Variants in TRUB1 observed in about 807,000 individuals in gnomAD.
The protein encoded by TRUB1 is TruB pseudouridine synthase family member 1, also known as pseudouridylate synthase TRUB1.
In TRUB1, 23 loss-of-function variants were observed where a neutral mutation model predicts 33.9. The observed-to-expected ratio is 0.68, with a 90% CI of 0.49 to 0.96. The LOEUF (loss-of-function observed/expected upper bound fraction) is 0.96. Ranked by LOEUF, TRUB1 falls within the 40% of genes least tolerant of loss-of-function variation. The pLI, the probability that TRUB1 is intolerant of heterozygous loss-of-function variation, is 0.00. For missense variants in TRUB1, 378 were observed against 422.2 expected (o/e 0.90, Z 0.92); for synonymous variants, 163 against 165.4 (o/e 0.99, Z 0.11).
chr10:114,964,239 T>C (rs6585307), intron 4 of TRUB1, among the ~76,000 whole-genome samples: 22,537 of 152,080 alleles, frequency 0.15, 3,867 homozygotes, highest in African/African-American at 0.42. Context: ...TGATGAGATT[T>C]GGCACCTTAT....
chr10:114,941,258 A>G (rs980928442), intron 1 of TRUB1, among the ~76,000 whole-genome samples: 1 of 152,148 alleles, frequency 6.6e-6, no homozygotes, highest in Non-Finnish European at 1.5e-5. Context: ...CCATCATCAA[A>G]AACAATTTAT....
chr10:114,945,663 C>A (rs910211733), intron 2 of TRUB1, among the ~76,000 whole-genome samples: 1 of 152,168 alleles, frequency 6.6e-6, no homozygotes, highest in African/African-American at 2.4e-5. Context: ...CTTAAAACAT[C>A]ATGAGTTTTT....
rs1418016604 is a variant in TRUB1 at position 114,976,799 on chromosome 10, G to T, written c.*1420G>T. On this transcript the variant is annotated 3_prime_UTR_variant, in exon 8 of 8. Coordinates refer to ENST00000298746, the MANE Select transcript of TRUB1 (RefSeq NM_139169.5). The stretch of plus-strand genomic sequence containing the variant: ...AAAACACTAAAACAATTCTTAGTAT[G>T]AGACAAAACTGTAAGGAAAAAGAGT... 1 of 151,116 alleles carries T rather than the reference G, an allele frequency of 6.6e-6. No homozygotes were observed. The highest frequency in any genetic ancestry group is 6.6e-5 in the Admixed American group (1 of 15,210). 9.4% of individuals were successfully genotyped at this position (151,116 alleles called of 1,614,324 possible). A position where few individuals can be genotyped will look rare whatever the true frequency, so the allele number is the denominator to read the frequency against.
chr10:114,954,216 A>G (rs1465632512), intron 3 of TRUB1, among the ~76,000 whole-genome samples: 3 of 152,204 alleles, frequency 2.0e-5, no homozygotes, highest in South Asian at 2.1e-4. Flanking sequence ...GAGTTACGTC[A>G]AGAGTAGAAA....
chr10:114,955,511 C>T (rs1259439898), intron 3 of TRUB1, among the ~76,000 whole-genome samples: 2 of 152,176 alleles, frequency 1.3e-5, no homozygotes, highest in Non-Finnish European at 2.9e-5. Context: ...ACCATAGTGG[C>T]ACCTGCAGGC....
At chr10:114,969,096 A>G (rs940290420) in intron 4 of TRUB1, among the ~76,000 whole-genome samples, 16 of 151,868 alleles carry the variant, frequency 1.1e-4, no homozygotes, top group African/African-American at 3.4e-4. Flanking sequence ...TTTAGTTTTT[A>G]AAATTATAGA....
intron 4 of TRUB1, among the ~76,000 whole-genome samples, chr10:114,969,149 C>T (rs1299191267): frequency 3.4e-5 from 5 of 146,698 alleles, no homozygotes; most frequent in Non-Finnish European, 6.0e-5. Context: ...ATATGGAACA[C>T]GGTCAGGTAC....
In TRUB1 at chr10:114,975,527, A is replaced by G; in HGVS notation, c.*148A>G. ...GTCTATCATTTACAGTTTCAATAGC[A>G]CATAATTTATTTTCTATGCATTATA... On this transcript the variant is annotated 3_prime_UTR_variant, in exon 8 of 8. Transcript: ENST00000298746. 4.0e-6 allele frequency: 3 copies of G among 747,374 alleles called. No individual in the cohort carries two copies. Among genetic ancestry groups the G allele is most frequent in the Non-Finnish European group, 6.1e-6 (3 of 493,586 alleles). The allele number at this position is 747,374 out of a possible 1,614,324, so 46.3% of individuals were successfully genotyped here.
Position 114,974,260 on chromosome 10 carries a change from A to G in TRUB1, c.737-69A>G. 3 of 1,134,650 alleles carry G rather than the reference A, an allele frequency of 2.6e-6. No individual in the cohort carries two copies. In the East Asian group the frequency reaches 7.1e-5, roughly 27 times the overall value. 70.3% of individuals were successfully genotyped at this position (1,134,650 alleles called of 1,614,324 possible). ...AGTGCATTTTTACATTTGTTTAGGG[A>G]CATCATTTCTATGTAAAGTGGATTT... On this transcript the variant is annotated intron_variant, in intron 6 of 7. Transcript: ENST00000298746.
chr10:114,938,568 G>C (rs2084170804), intron 1 of TRUB1, 29 bp downstream of exon 1: 1 of 1,505,482 alleles, frequency 6.6e-7, no homozygotes, highest in African/African-American at 1.4e-5. Flanking sequence ...GGACCAGGCT[G>C]AGGCGGTCGC....
intron 3 of TRUB1, among the ~76,000 whole-genome samples, chr10:114,957,116 T>C (rs994936442): frequency 6.6e-6 from 1 of 152,204 alleles, no homozygotes; most frequent in African/African-American, 2.4e-5. Context: ...TCAGCAACTT[T>C]TTATTAAGCT....
At chr10:114,955,295 A>G (rs1471103084) in intron 3 of TRUB1, among the ~76,000 whole-genome samples, 2 of 152,226 alleles carry the variant, frequency 1.3e-5, no homozygotes, top group African/African-American at 4.8e-5. Context: ...TGGATAGCAG[A>G]TGTCGTACTT....
At chr10:114,962,523 C>G (rs1424570704) in intron 4 of TRUB1, among the ~76,000 whole-genome samples, 1 of 152,190 alleles carries the variant, frequency 6.6e-6, no homozygotes, top group Non-Finnish European at 1.5e-5. Flanking sequence ...TTGCCATTGA[C>G]TGCATACTGA....
intron 6 of TRUB1, among the ~76,000 whole-genome samples, chr10:114,973,834 C>T (rs1001840118): frequency 2.6e-5 from 4 of 152,050 alleles, no homozygotes; most frequent in Admixed American, 6.6e-5. Context: ...ATTCTTGTCA[C>T]TGTGAAAAGG....
At chr10:114,971,984 A>T (rs1022936633) in intron 5 of TRUB1, 151 bp from the exon 6 acceptor site, 1 of 862,496 alleles carries the variant, frequency 1.2e-6, no homozygotes, top group Non-Finnish European at 1.8e-6. Context: ...TTAAAAATTC[A>T]TTCATTTTTT....
Position 114,970,357 on chromosome 10 carries a change from A to T in TRUB1, c.524-11A>T, listed in dbSNP as rs1470158892. ...GGTTGTTTTAGTGTCTTTTTTGTTGATTTTTGGCAGATAAAATAACACAAG... is the reference window on the plus strand; with the variant it reads ...GGTTGTTTTAGTGTCTTTTTTGTTGTTTTTTGGCAGATAAAATAACACAAG... On this transcript the variant is annotated splice_polypyrimidine_tract_variant and intron_variant, in intron 4 of 7. Coordinates refer to ENST00000298746, the MANE Select transcript of TRUB1 (RefSeq NM_139169.5). 3 of 1,595,244 alleles carry T rather than the reference A, an allele frequency of 1.9e-6. No individual in the cohort carries two copies. Among genetic ancestry groups the T allele is most frequent in the African/African-American group, 1.3e-5 (1 of 74,322 alleles).
intron 1 of TRUB1, 74 bp downstream of exon 1, chr10:114,938,613 G>A: frequency 7.1e-7 from 1 of 1,417,050 alleles, no homozygotes; most frequent in Non-Finnish European, 9.4e-7. Context: ...TTTTTGCGAC[G>A]CTCGTGATTC....
chr10:114,977,299 CT>C lies in TRUB1; in HGVS notation c.*1925del, dbSNP rs1378453645. 7.2e-5 allele frequency: 11 copies of C among 151,836 alleles called. No homozygotes were observed. The highest frequency in any genetic ancestry group is 7.4e-5 in the Non-Finnish European group (5 of 67,880). 9.4% of individuals were successfully genotyped at this position (151,836 alleles called of 1,614,324 possible). A position where few individuals can be genotyped will look rare whatever the true frequency, so the allele number is the denominator to read the frequency against. On this transcript the variant is annotated 3_prime_UTR_variant, in exon 8 of 8. Coordinates refer to ENST00000298746, the MANE Select transcript of TRUB1 (RefSeq NM_139169.5). The stretch of plus-strand genomic sequence containing the variant: ...TAAGGCACCTATACTTTTAAATTGA[CT>C]TTTTCATTTGATATTATCTATATGT...
intron 4 of TRUB1, among the ~76,000 whole-genome samples, chr10:114,967,989 T>TAA (rs1175097097): frequency 1.3e-5 from 2 of 152,198 alleles, no homozygotes; most frequent in Non-Finnish European, 2.9e-5. Flanking sequence ...ATTCAGCAGA[T>TAA]GTCTTGAGTG....
Sources: allele counts gnomAD v4.1 joint callset (sites outside exome capture counted in the v4.1 genomes callset), GRCh38; gene constraint gnomAD v4.1.1; transcripts MANE v1.5; gene names NCBI Gene and HGNC (gene_info 2026-07-23, HGNC 2026-07-21).